Variants in ADGRG7 observed in about 807,000 individuals in gnomAD.
ADGRG7 encodes G-protein coupled receptor 128.
In ADGRG7, 82 loss-of-function variants were observed where a neutral mutation model predicts 88.6. The observed-to-expected ratio is 0.93, with a 90% CI of 0.77 to 1.11. The LOEUF (loss-of-function observed/expected upper bound fraction) is 1.11, where lower values mean the gene tolerates loss of function less well. Among genes scored for constraint, ADGRG7 ranks in the 50% most tolerant of loss-of-function variants. The pLI, the probability that ADGRG7 is intolerant of heterozygous loss-of-function variation, is 0.00. For synonymous variants in ADGRG7, 381 were observed against 345.2 expected (o/e 1.10, Z -1.15); for missense variants, 945 against 953.4 (o/e 0.99, Z 0.12).
At position 100,694,779 on chromosome 3, in the gene ADGRG7, A is replaced by G. The variant is rs1456009328; in HGVS notation, c.2172A>G (p.Thr724=). Residue 724 remains threonine, a synonymous_variant, in exon 16 of 16, where the codon ACA becomes ACG. Transcript: ENST00000273352. ...LQIFILYTVR[T]KVFQSEASKV... ...TTTTTATCCTGTACACTGTTAGAAC[A>G]AAAGTCTTCCAGAGTGAAGCTTCCA... 2 of 1,614,062 alleles carry G rather than the reference A, an allele frequency of 1.2e-6. No individual in the cohort carries two copies. Among genetic ancestry groups the G allele is most frequent in the African/African-American group, 2.7e-5 (2 of 74,932 alleles).
Position 100,659,857 on chromosome 3 carries a change from T to C in ADGRG7, c.1979+14T>C, listed in dbSNP as rs1045595046. Reference sequence around the variant, plus strand: ...GAACCTGACAAGGTAAGATTCCCAATGAATGGGAAGCTGCCAGGCAAGGCT... The same window carrying C: ...GAACCTGACAAGGTAAGATTCCCAACGAATGGGAAGCTGCCAGGCAAGGCT... On this transcript the variant is annotated intron_variant, in intron 14 of 15. Coordinates refer to ENST00000273352, the MANE Select transcript of ADGRG7 (RefSeq NM_032787.3). 6 of 1,611,906 alleles carry C rather than the reference T, an allele frequency of 3.7e-6. No homozygotes were observed. Among genetic ancestry groups the C allele is most frequent in the Non-Finnish European group, 4.2e-6 (5 of 1,178,836 alleles).
intron 15 of ADGRG7, among the ~76,000 whole-genome samples, chr3:100,677,780 A>G (rs1165350): frequency 0.88 from 133,385 of 152,178 alleles, 60,524 homozygotes; most frequent in Non-Finnish European, 1. Flanking sequence ...CTACTGAGAA[A>G]GCTGCTGCCA....
At chr3:100,688,471 G>T (rs1168457434) in intron 15 of ADGRG7, among the ~76,000 whole-genome samples, 1 of 151,942 alleles carries the variant, frequency 6.6e-6, no homozygotes, top group Admixed American at 6.5e-5. Context: ...GTGATGTTAG[G>T]GTGTCCATTT....
intron 14 of ADGRG7, among the ~76,000 whole-genome samples, chr3:100,661,260 G>C (rs1018308401): frequency 1.3e-5 from 2 of 152,178 alleles, no homozygotes; most frequent in Non-Finnish European, 2.9e-5. Flanking sequence ...TATGAGTTCA[G>C]ATTTAATTCT....
chr3:100,633,468 C>A (rs766342502), intron 4 of ADGRG7, 91 bp downstream of exon 4: 17 of 540,446 alleles, frequency 3.1e-5, no homozygotes, highest in Non-Finnish European at 2.2e-5. Context: ...CAAATCAATT[C>A]TTTTAAAACT....
At chr3:100,637,746 G>A (rs535861363) in intron 6 of ADGRG7, among the ~76,000 whole-genome samples, 1 of 152,324 alleles carries the variant, frequency 6.6e-6, no homozygotes, top group Non-Finnish European at 1.5e-5. Flanking sequence ...AAAACATAGA[G>A]CTACAGAGAA....
intron 15 of ADGRG7, among the ~76,000 whole-genome samples, chr3:100,686,138 T>G (rs1228303680): frequency 6.6e-6 from 1 of 151,894 alleles, no homozygotes; most frequent in African/African-American, 2.4e-5. Flanking sequence ...ATGATGAGCA[T>G]TTTTTCATGT....
At chr3:100,633,947 G>A (rs1271273509) in intron 4 of ADGRG7, among the ~76,000 whole-genome samples, 1 of 152,150 alleles carries the variant, frequency 6.6e-6, no homozygotes, top group African/African-American at 2.4e-5. Context: ...TGGAAGTTTT[G>A]ACTGGATATA....
chr3:100,627,120 T>TA (rs1707390211), intron 1 of ADGRG7, among the ~76,000 whole-genome samples: 1 of 152,188 alleles, frequency 6.6e-6, no homozygotes, highest in Non-Finnish European at 1.5e-5. Context: ...TCGAAGTGGT[T>TA]ATAGCAATTA....
chr3:100,651,999 T>G (rs991454661), intron 11 of ADGRG7, among the ~76,000 whole-genome samples: 4 of 152,114 alleles, frequency 2.6e-5, no homozygotes, highest in African/African-American at 4.8e-5. Context: ...TGTGATGCAA[T>G]CTCATTGTAA....
intron 15 of ADGRG7, among the ~76,000 whole-genome samples, chr3:100,686,511 C>CT (rs2094982901): frequency 6.6e-6 from 1 of 152,178 alleles, no homozygotes; most frequent in African/African-American, 2.4e-5. Context: ...GGTTTTAGGT[C>CT]TAACATTTAA....
chr3:100,638,004 C>A (rs547077138), intron 6 of ADGRG7, among the ~76,000 whole-genome samples: 1 of 152,308 alleles, frequency 6.6e-6, no homozygotes, highest in East Asian at 1.9e-4. Flanking sequence ...TGTGCAGGCC[C>A]CACAGCAGCA....
chr3:100,653,583 A>G (rs1204243160), intron 11 of ADGRG7, among the ~76,000 whole-genome samples: 1 of 152,230 alleles, frequency 6.6e-6, no homozygotes, highest in Non-Finnish European at 1.5e-5. Flanking sequence ...TATTAAAAAA[A>G]CTGCCCCAAA....
chr3:100,629,578 G>C lies in ADGRG7; in HGVS notation c.116-20G>C, dbSNP rs781412301. On this transcript the variant is annotated intron_variant, in intron 1 of 15. Transcript: ENST00000273352. ...GAATCAGCCAGTTCATGACTATTCT[G>C]TTATTTATTGTTTCTTTAGGAAAAT... The C allele has an allele frequency of 1.9e-6, 3 of 1,552,518 alleles. No homozygotes were observed. Among genetic ancestry groups the C allele is most frequent in the East Asian group, 2.2e-5 (1 of 44,448 alleles).
At chr3:100,684,898 C>T (rs1217842869) in intron 15 of ADGRG7, among the ~76,000 whole-genome samples, 1 of 151,892 alleles carries the variant, frequency 6.6e-6, no homozygotes, top group East Asian at 1.9e-4. Flanking sequence ...CACAGTTTAA[C>T]TGCTTCTTGC....
In ADGRG7 at chr3:100,655,134, A is replaced by T. The variant is rs200763750; in HGVS notation, c.1679A>T (p.Lys560Met). 4 of 1,613,532 alleles carry T rather than the reference A, an allele frequency of 2.5e-6. No individual in the cohort carries two copies. The highest frequency in any genetic ancestry group is 3.4e-6 in the Non-Finnish European group (4 of 1,179,560). ...QLYYLLIRTM[K>M]PLPRHFILFI... ...TATTACCTTCTAATAAGGACCATGAAGCCTCTTCCTCGGCATTTCATTCTT... is the reference window on the plus strand; with the variant it reads ...TATTACCTTCTAATAAGGACCATGATGCCTCTTCCTCGGCATTTCATTCTT... Residue 560 changes from lysine to methionine, a missense_variant, in exon 12 of 16, where the codon AAG becomes ATG. Lys to Met is a moderately conservative substitution (Grantham distance 95). Coordinates refer to ENST00000273352, the MANE Select transcript of ADGRG7 (RefSeq NM_032787.3).
chr3:100,641,360 G>A (rs1459885028), intron 6 of ADGRG7, among the ~76,000 whole-genome samples: 2 of 152,190 alleles, frequency 1.3e-5, no homozygotes, highest in Admixed American at 6.5e-5. Flanking sequence ...AGCTGAGGTG[G>A]TCTTTTTCTT....
chr3:100,638,295 G>A (rs1707580002), intron 6 of ADGRG7, among the ~76,000 whole-genome samples: 1 of 152,184 alleles, frequency 6.6e-6, no homozygotes, highest in South Asian at 2.1e-4. Flanking sequence ...TAAGTGATGA[G>A]GGAAGCTCTC....
Position 100,694,888 on chromosome 3 carries a change from A to C in ADGRG7, c.2281A>C (p.Asn761His). 1 of 1,614,150 alleles carries C rather than the reference A, an allele frequency of 6.2e-7. No individual in the cohort carries two copies. The highest frequency in any genetic ancestry group is 2.2e-5 in the East Asian group (1 of 44,880). Residue 761 changes from asparagine (N) to histidine (H), a missense_variant, in exon 16 of 16, where the codon AAT becomes CAT. By Grantham distance (68) the Asn-to-His change is moderately conservative (BLOSUM62 1). Transcript: ENST00000273352. ...GCCGAGGCTGCGTGTAAAGATGTAT[A>C]ATTTCCTCAGGTCATTGCCAACCTT... Reference protein sequence around the residue: ...TRPRLRVKMYNFLRSLPTLHE... With the variant: ...TRPRLRVKMYHFLRSLPTLHE...
Sources: allele counts gnomAD v4.1 joint callset (sites outside exome capture counted in the v4.1 genomes callset), GRCh38; gene constraint gnomAD v4.1.1; transcripts MANE v1.5; gene names NCBI Gene and HGNC (gene_info 2026-07-23, HGNC 2026-07-21).